DNAJC15: variants seen among roughly 807,000 people sequenced by gnomAD.
The protein encoded by DNAJC15 is dnaJ homolog subfamily C member 15.
In DNAJC15, 27 loss-of-function variants were observed where a neutral mutation model predicts 22.4. The ratio of observed to expected loss-of-function variants is 1.20; its 90% confidence interval spans 0.89 to 1.66. The LOEUF (loss-of-function observed/expected upper bound fraction) is 1.66. Ranked by LOEUF, DNAJC15 falls within the 40% of genes most tolerant of loss-of-function variation. The pLI, the probability that DNAJC15 is intolerant of heterozygous loss-of-function variation, is 0.00. For missense variants in DNAJC15, 208 were observed against 187.1 expected (o/e 1.11, Z -0.65); for synonymous variants, 79 against 63.2 (o/e 1.25, Z -1.19).
At chr13:43,048,911 C>T (rs535205829) in intron 1 of DNAJC15, among the ~76,000 whole-genome samples, 152 of 152,018 alleles carry the variant, frequency 1.0e-3, no homozygotes, top group African/African-American at 3.4e-3. Flanking sequence ...TCTGAATCGT[C>T]AGATAAAATG....
chr13:43,024,668 A>G (rs1040725750), intron 1 of DNAJC15, among the ~76,000 whole-genome samples: 2 of 151,978 alleles, frequency 1.3e-5, no homozygotes, highest in Non-Finnish European at 2.9e-5. Flanking sequence ...TTGTAGCCAT[A>G]TTAAACAACT....
chr13:43,031,680 T>C, intron 1 of DNAJC15, among the ~76,000 whole-genome samples: 1 of 152,248 alleles, frequency 6.6e-6, no homozygotes, highest in Non-Finnish European at 1.5e-5. Context: ...GCTAATATTA[T>C]AACCCTCTAC....
At chr13:43,048,581 C>T (rs769583162) in intron 1 of DNAJC15, among the ~76,000 whole-genome samples, 1 of 152,176 alleles carries the variant, frequency 6.6e-6, no homozygotes, top group Non-Finnish European at 1.5e-5. Context: ...TTTTTTCCCC[C>T]ATGGTGACCA....
chr13:43,040,612 GA>G, intron 1 of DNAJC15, among the ~76,000 whole-genome samples: 1 of 152,226 alleles, frequency 6.6e-6, no homozygotes, highest in Non-Finnish European at 1.5e-5. Flanking sequence ...ACTTGGAAAA[GA>G]AAGAGACACA....
intron 1 of DNAJC15, among the ~76,000 whole-genome samples, chr13:43,034,525 C>T (rs963874681): frequency 1.3e-5 from 2 of 151,778 alleles, no homozygotes; most frequent in East Asian, 1.9e-4. Flanking sequence ...CCGTGTTAGC[C>T]AGGATGGTCT....
intron 1 of DNAJC15, among the ~76,000 whole-genome samples, chr13:43,048,419 G>A (rs1398608648): frequency 6.6e-6 from 1 of 152,266 alleles, no homozygotes; most frequent in African/African-American, 2.4e-5. Context: ...TTGAACCCGG[G>A]AGGCGGAGGT....
chr13:43,113,104 T>C lies in DNAJC15; in HGVS notation c.*5856T>C, dbSNP rs1222853280. 6.6e-6 allele frequency: 1 copy of C among 152,164 alleles called. No individual in the cohort carries two copies. Among genetic ancestry groups the C allele is most frequent in the East Asian group, 1.9e-4 (1 of 5,196 alleles). The allele number at this position is 152,164 out of a possible 1,614,324, so 9.4% of individuals were successfully genotyped here. A position where few individuals can be genotyped will look rare whatever the true frequency, so the allele number is the denominator to read the frequency against. On this transcript the variant is annotated 3_prime_UTR_variant, in exon 6 of 6. Coordinates refer to ENST00000379221, the MANE Select transcript of DNAJC15 (RefSeq NM_013238.3). ...GATAAGATTTTATCTGAAATGTTCA[T>C]GGACAAGAGCTTTCAAGGAGAACAT...
At chr13:43,075,511 AT>A (rs2040629461) in intron 3 of DNAJC15, among the ~76,000 whole-genome samples, 1 of 152,232 alleles carries the variant, frequency 6.6e-6, no homozygotes, top group Non-Finnish European at 1.5e-5. Flanking sequence ...TAGTTCAGGC[AT>A]GATTTAAAAA....
At position 43,112,777 on chromosome 13, in the gene DNAJC15, G is replaced by A. The variant is rs1225542063; in HGVS notation, c.*5529G>A. On this transcript the variant is annotated 3_prime_UTR_variant, in exon 6 of 6. Transcript: ENST00000379221. ...GTGGTGGCACTAGGAACCAAATTCA[G>A]ACTCTGAATCGCATGCTGTTTATAT... 2 of 152,190 alleles carry A rather than the reference G, an allele frequency of 1.3e-5. No individual in the cohort carries two copies. The highest frequency in any genetic ancestry group is 2.9e-5 in the Non-Finnish European group (2 of 68,028). 9.4% of individuals were successfully genotyped at this position (152,190 alleles called of 1,614,324 possible). A position where few individuals can be genotyped will look rare whatever the true frequency, so the allele number is the denominator to read the frequency against.
At position 43,069,023 on chromosome 13, in the gene DNAJC15, A is replaced by C. The variant is rs142686061; in HGVS notation, c.234+20A>C. The C allele has an allele frequency of 8.2e-4, 1,321 of 1,603,422 alleles. 7 individuals carry two copies. In the African/African-American group the frequency reaches 0.016, roughly 19 times the overall value. ...ACTCCTGTAAGTTAAACGTGGCTTT[A>C]GTTAGAAGACTCATTTTGATTTTTG... On this transcript the variant is annotated intron_variant, in intron 3 of 5. Transcript: ENST00000379221.
chr13:43,095,929 T>G (rs916353990), intron 5 of DNAJC15, among the ~76,000 whole-genome samples: 2 of 152,146 alleles, frequency 1.3e-5, no homozygotes, highest in African/African-American at 4.8e-5. Flanking sequence ...TGAGAAGTTT[T>G]GTGAGGAAGA....
chr13:43,104,266 G>A (rs1461614553), intron 5 of DNAJC15, among the ~76,000 whole-genome samples: 1 of 152,016 alleles, frequency 6.6e-6, no homozygotes, highest in East Asian at 1.9e-4. Context: ...GATTAAACAT[G>A]TCTTTTCTAG....
intron 5 of DNAJC15, among the ~76,000 whole-genome samples, chr13:43,094,706 T>G (rs2040731236): frequency 6.6e-6 from 1 of 152,210 alleles, no homozygotes; most frequent in Admixed American, 6.5e-5. Context: ...TCAGGCTCTA[T>G]TTTCAAACTT....
At chr13:43,078,178 C>T (rs1418043349) in intron 3 of DNAJC15, among the ~76,000 whole-genome samples, 1 of 152,212 alleles carries the variant, frequency 6.6e-6, no homozygotes, top group African/African-American at 2.4e-5. Flanking sequence ...CTTGGCTTGC[C>T]TGTCTGCTAG....
At chr13:43,060,420 T>C (rs546086625) in intron 1 of DNAJC15, among the ~76,000 whole-genome samples, 64 of 152,006 alleles carry the variant, frequency 4.2e-4, no homozygotes, top group African/African-American at 1.5e-3. Flanking sequence ...GGAAAATAGG[T>C]ATTAAAGGAC....
At chr13:43,055,979 C>T (rs1338137385) in intron 1 of DNAJC15, among the ~76,000 whole-genome samples, 1 of 152,014 alleles carries the variant, frequency 6.6e-6, no homozygotes, top group East Asian at 1.9e-4. Flanking sequence ...TATTTTTCAT[C>T]TTGATTTCAT....
chr13:43,023,861 T>G (rs2040365151), intron 1 of DNAJC15, 127 bp downstream of exon 1: 2 of 889,532 alleles, frequency 2.2e-6, no homozygotes, highest in Non-Finnish European at 1.7e-6. Flanking sequence ...GCCCTAGCGC[T>G]CACTTGTTCA....
rs201644018 is a variant in DNAJC15, at chr13:43,102,870, TTTTC to T, written c.383-4302_383-4299del. Among the ~76,000 whole-genome samples, 1,036 of 152,200 alleles carry T rather than the reference TTTTC, an allele frequency of 6.8e-3. 9 individuals carry two copies. The highest frequency in any genetic ancestry group is 0.024 in the African/African-American group (986 of 41,544). ...AGCCTCATAAAAAGAGTTTAAAGTG[TTTTC>T]TTTCTCTTCTGTTTTTCGGAAAAAT... On this transcript the variant is annotated intron_variant, in intron 5 of 5. Transcript: ENST00000379221.
chr13:43,082,969 A>G (rs1023421267), intron 4 of DNAJC15, among the ~76,000 whole-genome samples: 1 of 151,896 alleles, frequency 6.6e-6, no homozygotes, highest in Non-Finnish European at 1.5e-5. Flanking sequence ...AGAGGGCCAC[A>G]TGGTGATGAA....
Sources: gnomAD v4.1 joint callset for allele counts (sites outside exome capture counted in the v4.1 genomes callset) on GRCh38, gnomAD v4.1.1 for gene constraint, MANE v1.5 for transcripts, NCBI Gene and HGNC (gene_info 2026-07-23, HGNC 2026-07-21) for gene names.